Variants in RBFOX1 observed in about 807,000 individuals in gnomAD.
The protein encoded by RBFOX1 is RNA binding protein fox-1 homolog 1.
RBFOX1 carries 8 observed loss-of-function variants against 57.7 expected under a neutral mutation model. That is an observed-to-expected ratio of 0.14 (90% CI 0.08 to 0.25). The LOEUF (loss-of-function observed/expected upper bound fraction) is 0.25, where lower values mean the gene tolerates loss of function less well. Among genes scored for constraint, RBFOX1 ranks in the 10% least tolerant of loss-of-function variants. The pLI is 1.00. For missense variants in RBFOX1, 611 were observed against 548.5 expected, an observed-to-expected ratio of 1.11 and a Z score of -1.14; for synonymous variants, 326 against 222.4, an observed-to-expected ratio of 1.47 and a Z score of -4.15.
intron 3 of RBFOX1, among the ~76,000 whole-genome samples, chr16:6,966,853 A>G (rs534038318): frequency 1.9e-4 from 29 of 151,594 alleles, no homozygotes; most frequent in African/African-American, 2.9e-4. Context: ...CCATCCATCT[A>G]TCCACACATC....
intron 2 of RBFOX1, among the ~76,000 whole-genome samples, chr16:6,436,767 G>A (rs2094247599): frequency 6.6e-6 from 1 of 151,994 alleles, no homozygotes; most frequent in Non-Finnish European, 1.5e-5. Flanking sequence ...GTAACTCAGT[G>A]ATTATTTGTT....
chr16:5,468,862 T>A (rs1268909413), intron 2 of RBFOX1, among the ~76,000 whole-genome samples: 1 of 152,232 alleles, frequency 6.6e-6, no homozygotes, highest in Non-Finnish European at 1.5e-5. Flanking sequence ...GGAGATTGGA[T>A]CCATCTCAGG....
chr16:7,202,923 G>C (rs1170080667), intron 4 of RBFOX1, among the ~76,000 whole-genome samples: 3 of 152,094 alleles, frequency 2.0e-5, no homozygotes, highest in African/African-American at 4.8e-5. Flanking sequence ...GAGTCTCACT[G>C]TCACCCTGGC....
chr16:6,841,237 T>A (rs1371758899), intron 3 of RBFOX1, among the ~76,000 whole-genome samples: 1 of 152,180 alleles, frequency 6.6e-6, no homozygotes, highest in African/African-American at 2.4e-5. Flanking sequence ...TGGTCAGTTA[T>A]CCTGCCCATT....
intron 4 of RBFOX1, among the ~76,000 whole-genome samples, chr16:7,400,952 T>C (rs2098231925): frequency 6.6e-6 from 1 of 152,192 alleles, no homozygotes; most frequent in African/African-American, 2.4e-5. Context: ...CGGTATTTTA[T>C]TTCTAATATG....
exon 3 of RBFOX1, chr16:5,599,985 C>G (rs747184969): frequency 6.6e-6 from 1 of 151,622 alleles, no homozygotes; most frequent in Non-Finnish European, 1.5e-5. Context: ...TGGGCAACAT[C>G]TCTACAAAAA....
chr16:6,529,976 C>T (rs984458622), intron 2 of RBFOX1, among the ~76,000 whole-genome samples: 6 of 152,058 alleles, frequency 3.9e-5, no homozygotes, highest in Non-Finnish European at 8.8e-5. Context: ...ACTTTCTGGT[C>T]CCTTTTGGTT....
At chr16:7,341,780 TTCC>T (rs781381497) in intron 4 of RBFOX1, among the ~76,000 whole-genome samples, 4,558 of 56,366 alleles carry the variant, frequency 0.081, 126 homozygotes, top group South Asian at 0.14. Context: ...CCCTCCCTCC[TTCC>T]TTCCTTCCTT....
intron 3 of RBFOX1, among the ~76,000 whole-genome samples, chr16:5,706,636 T>C (rs964455720): frequency 1.3e-5 from 2 of 152,172 alleles, no homozygotes; most frequent in Non-Finnish European, 2.9e-5. Context: ...TTCTCCAGAG[T>C]GTCTCTCTGG....
At chr16:5,310,740 T>A (rs993574900) in intron 1 of RBFOX1, among the ~76,000 whole-genome samples, 1 of 152,246 alleles carries the variant, frequency 6.6e-6, no homozygotes, top group African/African-American at 2.4e-5. Context: ...TGTGCTGTCA[T>A]CCATCTTTTC....
chr16:5,323,059 C>A (rs1440732229), intron 1 of RBFOX1, among the ~76,000 whole-genome samples: 1 of 152,186 alleles, frequency 6.6e-6, no homozygotes, highest in African/African-American at 2.4e-5. Context: ...CCTCTCTGTG[C>A]CTCAGTTTCC....
chr16:7,580,793 T>C (rs898691050), intron 6 of RBFOX1, among the ~76,000 whole-genome samples: 10 of 152,214 alleles, frequency 6.6e-5, no homozygotes, highest in Non-Finnish European at 1.5e-4. Context: ...ATCATTCATG[T>C]TTGCAGATGT....
intron 3 of RBFOX1, among the ~76,000 whole-genome samples, chr16:6,741,984 TC>T (rs942019433): frequency 9.2e-5 from 14 of 152,166 alleles, no homozygotes; most frequent in African/African-American, 3.4e-4. Flanking sequence ...AGAGTAGATT[TC>T]AAATGTTTTC....
intron 3 of RBFOX1, among the ~76,000 whole-genome samples, chr16:6,952,167 T>A (rs9936943): frequency 0.15 from 22,260 of 152,168 alleles, 1,993 homozygotes; most frequent in Non-Finnish European, 0.19. Context: ...GTGAAGGCTC[T>A]ATGTGGCACT....
chr16:6,053,060 G>T (rs1328942184), intron 1 of RBFOX1, among the ~76,000 whole-genome samples: 1 of 151,998 alleles, frequency 6.6e-6, no homozygotes, highest in Non-Finnish European at 1.5e-5. Flanking sequence ...TCTTTAAATT[G>T]GGAAGTTTTT....
At chr16:6,280,869 AT>A (rs1364490708) in intron 1 of RBFOX1, among the ~76,000 whole-genome samples, 2 of 151,746 alleles carry the variant, frequency 1.3e-5, no homozygotes, top group African/African-American at 4.8e-5. Flanking sequence ...TTCCTTTGAG[AT>A]TTTTTGTTAA....
intron 1 of RBFOX1, among the ~76,000 whole-genome samples, chr16:6,208,427 G>C (rs1012309023): frequency 1.3e-5 from 2 of 152,064 alleles, no homozygotes; most frequent in Non-Finnish European, 2.9e-5. Context: ...TGTGCTTAGT[G>C]TAAGGTGTGT....
At chr16:6,499,900 G>A (rs771195060) in intron 2 of RBFOX1, among the ~76,000 whole-genome samples, 3 of 152,188 alleles carry the variant, frequency 2.0e-5, no homozygotes, top group Non-Finnish European at 4.4e-5. Context: ...GTAAAAGGAT[G>A]TGGTAAGGGT....
chr16:5,450,784 A>G (rs2068400810), intron 1 of RBFOX1, among the ~76,000 whole-genome samples: 1 of 152,178 alleles, frequency 6.6e-6, no homozygotes, highest in Non-Finnish European at 1.5e-5. Flanking sequence ...GACTTTGGGT[A>G]GCCTCGTCTG....
Sources: allele counts gnomAD v4.1 joint callset (sites outside exome capture counted in the v4.1 genomes callset), GRCh38; gene constraint gnomAD v4.1.1; transcripts MANE v1.5; gene names NCBI Gene and HGNC (gene_info 2026-07-23, HGNC 2026-07-21).